C18orf63: variants seen among roughly 807,000 people sequenced by gnomAD.
The protein encoded by C18orf63 is uncharacterized protein C18orf63.
C18orf63 carries 50 observed loss-of-function variants against 75.3 expected under a neutral mutation model. The ratio of observed to expected loss-of-function variants is 0.66; its 90% CI spans 0.53 to 0.84. The LOEUF is 0.84. Among genes scored for constraint, C18orf63 ranks in the 40% least tolerant of loss-of-function variants. The probability of loss-of-function intolerance (pLI) is 0.00; values close to 1 mark genes in which losing one functional copy is unlikely to be tolerated. For missense variants in C18orf63, 732 were observed against 800.2 expected, an observed-to-expected ratio of 0.91 and a Z score of 1.03; for synonymous variants, 232 against 267.6, an observed-to-expected ratio of 0.87 and a Z score of 1.30.
chr18:74,330,441 C>T (rs1984285916), intron 6 of C18orf63, among the ~76,000 whole-genome samples: 2 of 151,974 alleles, frequency 1.3e-5, no homozygotes, highest in African/African-American at 2.4e-5. Context: ...ATATATCTGC[C>T]AGTATATTTG....
At position 74,358,736 on chromosome 18, in the gene C18orf63, T is replaced by C. The variant is rs1984813318; in HGVS notation, c.*2289T>C. 1 of 152,158 alleles carries C rather than the reference T, an allele frequency of 6.6e-6. No homozygotes were observed. Among genetic ancestry groups the C allele is most frequent in the Admixed American group, 6.5e-5 (1 of 15,276 alleles). 9.4% of individuals were successfully genotyped at this position (152,158 alleles called of 1,614,324 possible). On this transcript the variant is annotated 3_prime_UTR_variant, in exon 14 of 14. Coordinates refer to ENST00000579455, the MANE Select transcript of C18orf63 (RefSeq NM_001174123.2). ...AGGAGCTGAAGAAATCAGCGATTAC[T>C]TTAAAAAATATATGGCAATGTCAAA... is the stretch of plus-strand genomic sequence containing the variant.
intron 7 of C18orf63, among the ~76,000 whole-genome samples, chr18:74,337,438 G>A (rs1984411063): frequency 6.6e-6 from 1 of 152,070 alleles, no homozygotes; most frequent in Admixed American, 6.6e-5. Flanking sequence ...GTATACTCAA[G>A]CTATATAAGT....
intron 11 of C18orf63, among the ~76,000 whole-genome samples, chr18:74,346,694 G>C (rs1171203728): frequency 1.3e-5 from 2 of 152,114 alleles, no homozygotes; most frequent in East Asian, 3.9e-4. Flanking sequence ...GCCCATGTCT[G>C]TTTTAAAAAT....
chr18:74,317,936 GA>G lies in C18orf63; in HGVS notation c.73del (p.Ile25Ter). ...LPDLNKLCAV[R>X]IILSNKVADT... ...GATTTAAACAAACTCTGTGCTGTCA[GA>G]ATAATACTGAGTAATAAGGTGGCAG... On this transcript the variant is annotated frameshift_variant, in exon 2 of 14. Coordinates refer to ENST00000579455, the MANE Select transcript of C18orf63 (RefSeq NM_001174123.2). LOFTEE classifies it high-confidence loss of function. The G allele has an allele frequency of 6.5e-7, 1 of 1,533,554 alleles. No homozygotes were observed. Among genetic ancestry groups the G allele is most frequent in the South Asian group, 1.2e-5 (1 of 83,770 alleles). The allele number at this position is 1,533,554 out of a possible 1,614,324, so 95.0% of individuals were successfully genotyped here. A position where few individuals can be genotyped will look rare whatever the true frequency, so the allele number is the denominator to read the frequency against.
intron 7 of C18orf63, among the ~76,000 whole-genome samples, chr18:74,337,990 G>A (rs1435376304): frequency 1.3e-5 from 2 of 152,122 alleles, no homozygotes; most frequent in East Asian, 3.8e-4. Flanking sequence ...GATGTTAGGT[G>A]GTTGGTTAAG....
intron 13 of C18orf63, among the ~76,000 whole-genome samples, chr18:74,355,379 G>A (rs1340251041): frequency 1.3e-5 from 2 of 152,144 alleles, no homozygotes; most frequent in African/African-American, 2.4e-5. Context: ...CCTTTAAGAT[G>A]TTACTTGCAT....
At chr18:74,327,889 T>C in intron 4 of C18orf63, 58 bp from the exon 5 acceptor site, 1 of 984,406 alleles carries the variant, frequency 1.0e-6, no homozygotes, top group Non-Finnish European at 1.5e-6. Context: ...CCTATTAGTA[T>C]ATGCATACAC....
rs1599282776 is a variant in C18orf63, at chr18:74,315,996, G to A, written c.-146G>A. 2.6e-5 allele frequency: 4 copies of A among 152,590 alleles called. No individual in the cohort carries two copies. The highest frequency in any genetic ancestry group is 2.1e-4 in the South Asian group (1 of 4,824). 9.5% of individuals were successfully genotyped at this position (152,590 alleles called of 1,614,324 possible). On this transcript the variant is annotated 5_prime_UTR_variant, in exon 1 of 14. Coordinates refer to ENST00000579455, the MANE Select transcript of C18orf63 (RefSeq NM_001174123.2). ...CTTGAAGGAGGCAGAGCGGAAGCGA[G>A]GGAGACTGCTGGAGGCCCTGCCGCC...
intron 11 of C18orf63, among the ~76,000 whole-genome samples, chr18:74,349,564 C>T (rs1410692929): frequency 1.3e-5 from 2 of 152,114 alleles, no homozygotes; most frequent in African/African-American, 2.4e-5. Context: ...TGTAGGAGCA[C>T]GAACCCTATT....
In C18orf63 at chr18:74,354,244, C is replaced by G. The variant is rs755156246; in HGVS notation, c.1977C>G (p.Gly659=). The change falls in exon 12 of 14, where the codon GGC becomes GGG. Residue 659 remains glycine, a synonymous_variant. Transcript: ENST00000579455. ...KKHHSDTVHY[G]QSSSSKKQIL... is the part of the protein sequence containing the mutation. ...ATCATTCCGATACTGTGCACTATGGCCAATCCAGTTCTTCTAAGAAGCAGG... is the reference window on the plus strand; with the variant it reads ...ATCATTCCGATACTGTGCACTATGGGCAATCCAGTTCTTCTAAGAAGCAGG... 2.0e-6 allele frequency: 3 copies of G among 1,519,980 alleles called. No individual in the cohort carries two copies. Among genetic ancestry groups the G allele is most frequent in the Middle Eastern group, 1.7e-4 (1 of 5,872 alleles). 94.2% of individuals were successfully genotyped at this position (1,519,980 alleles called of 1,614,324 possible). A position where few individuals can be genotyped will look rare whatever the true frequency, so the allele number is the denominator to read the frequency against.
intron 7 of C18orf63, among the ~76,000 whole-genome samples, chr18:74,332,696 A>G (rs1984329703): frequency 6.8e-6 from 1 of 147,176 alleles, no homozygotes; most frequent in Non-Finnish European, 1.5e-5. Flanking sequence ...GCTACAGAAG[A>G]GCAAGACTCC....
At chr18:74,317,208 C>T (rs1984041303) in intron 1 of C18orf63, among the ~76,000 whole-genome samples, 1 of 152,216 alleles carries the variant, frequency 6.6e-6, no homozygotes, top group Non-Finnish European at 1.5e-5. Context: ...ACTGAAGCTT[C>T]ACTGGGTTGC....
chr18:74,331,178 C>A (rs1984299437), intron 7 of C18orf63, among the ~76,000 whole-genome samples: 1 of 152,062 alleles, frequency 6.6e-6, no homozygotes, highest in Non-Finnish European at 1.5e-5. Context: ...TTCCTTTGTT[C>A]AAAAACTTTG....
intron 4 of C18orf63, among the ~76,000 whole-genome samples, chr18:74,326,214 A>T (rs1009415396): frequency 6.6e-6 from 1 of 152,162 alleles, no homozygotes; most frequent in Non-Finnish European, 1.5e-5. Context: ...CTGCCAATAG[A>T]TTATTCAGTT....
At chr18:74,337,156 G>A (rs184389312) in intron 7 of C18orf63, among the ~76,000 whole-genome samples, 4 of 152,140 alleles carry the variant, frequency 2.6e-5, no homozygotes, top group South Asian at 2.1e-4. Flanking sequence ...TCAGATTGGC[G>A]TTATAAGGAG....
chr18:74,320,220 G>A (rs1984096100), intron 2 of C18orf63, among the ~76,000 whole-genome samples: 1 of 152,120 alleles, frequency 6.6e-6, no homozygotes. Context: ...AAGCATGATT[G>A]GAGGCCTCAG....
At chr18:74,332,913 A>G (rs1984333538) in intron 7 of C18orf63, among the ~76,000 whole-genome samples, 1 of 152,206 alleles carries the variant, frequency 6.6e-6, no homozygotes, top group Admixed American at 6.5e-5. Context: ...AATTTTCTAC[A>G]GATGATACTT....
intron 11 of C18orf63, among the ~76,000 whole-genome samples, chr18:74,350,157 C>A (rs1297666352): frequency 6.6e-6 from 1 of 152,062 alleles, no homozygotes; most frequent in Non-Finnish European, 1.5e-5. Context: ...TATGGTATCT[C>A]AACAGAGATA....
intron 7 of C18orf63, among the ~76,000 whole-genome samples, chr18:74,333,814 G>C (rs1297248358): frequency 6.6e-6 from 1 of 152,048 alleles, no homozygotes; most frequent in Non-Finnish European, 1.5e-5. Context: ...GAGCTTTCTG[G>C]GCATGGAAGG....
Sources: gnomAD v4.1 joint callset for allele counts (sites outside exome capture counted in the v4.1 genomes callset) on GRCh38, gnomAD v4.1.1 for gene constraint, MANE v1.5 for transcripts, NCBI Gene and HGNC (gene_info 2026-07-23, HGNC 2026-07-21) for gene names.